Variants in ADRA1B observed in about 807,000 individuals in gnomAD.
ADRA1B encodes alpha-1B adrenergic receptor.
In ADRA1B, 17 loss-of-function variants were observed where a neutral mutation model predicts 17.9. That is an observed-to-expected ratio of 0.95 (90% CI 0.65 to 1.42). ADRA1B has a LOEUF of 1.42. ADRA1B is among the 40% of genes most tolerant of loss of function. The pLI is 0.00. For missense variants in ADRA1B, 681 were observed against 722.1 expected (o/e 0.94, Z 0.65); for synonymous variants, 366 against 327.6 (o/e 1.12, Z -1.27).
intron 1 of ADRA1B, chr5:159,869,308 A>G (rs1753706081): frequency 6.6e-6 from 1 of 152,238 alleles, no homozygotes; most frequent in Non-Finnish European, 1.5e-5. Flanking sequence ...TGGTTTGGCC[A>G]GAATCTGGAG....
intron 1 of ADRA1B, among the ~76,000 whole-genome samples, chr5:159,905,288 T>C (rs1213411739): frequency 6.6e-6 from 1 of 152,036 alleles, no homozygotes; most frequent in East Asian, 1.9e-4. Context: ...ACATAGACAA[T>C]CCAACAAAGC....
chr5:159,933,029 T>C (rs1171710172), intron 1 of ADRA1B, among the ~76,000 whole-genome samples: 2 of 152,242 alleles, frequency 1.3e-5, no homozygotes, highest in African/African-American at 4.8e-5. Context: ...TTCATGTTTA[T>C]AAATATTACC....
At chr5:159,871,229 T>G (rs1007346012) in intron 1 of ADRA1B, 1 of 152,190 alleles carries the variant, frequency 6.6e-6, no homozygotes, top group Non-Finnish European at 1.5e-5. Context: ...AATATAATAA[T>G]GTGTCCAATG....
At chr5:159,942,139 G>A (rs1225676738) in intron 1 of ADRA1B, among the ~76,000 whole-genome samples, 1 of 152,024 alleles carries the variant, frequency 6.6e-6, no homozygotes, top group Non-Finnish European at 1.5e-5. Flanking sequence ...AGCCAGGATG[G>A]TCTTGATCTC....
chr5:159,926,136 T>TA (rs1371938129), intron 1 of ADRA1B, among the ~76,000 whole-genome samples: 1 of 152,200 alleles, frequency 6.6e-6, no homozygotes, highest in Non-Finnish European at 1.5e-5. Flanking sequence ...GAAGTAAAAT[T>TA]ATTTGCCACT....
intron 1 of ADRA1B, among the ~76,000 whole-genome samples, chr5:159,927,814 A>G (rs900182835): frequency 2.0e-5 from 3 of 152,032 alleles, no homozygotes; most frequent in South Asian, 2.1e-4. Context: ...GATGGGGAGG[A>G]AAGAGAAACT....
chr5:159,921,259 C>A (rs1460743846), intron 1 of ADRA1B, among the ~76,000 whole-genome samples: 1 of 152,210 alleles, frequency 6.6e-6, no homozygotes, highest in Non-Finnish European at 1.5e-5. Context: ...GGGACCAGTG[C>A]TCACTTACTC....
chr5:159,984,133 CCAAT>C, the ADRA1B span, among the ~76,000 whole-genome samples: 3 of 152,050 alleles, frequency 2.0e-5, no homozygotes, highest in Admixed American at 1.3e-4. Context: ...TCTCCTCTTC[CCAAT>C]CTCTAAATGT....
chr5:159,941,660 T>C (rs1407245489), intron 1 of ADRA1B, among the ~76,000 whole-genome samples: 5 of 152,236 alleles, frequency 3.3e-5, no homozygotes, highest in African/African-American at 1.2e-4. Context: ...ATATGCAAAA[T>C]GTGGTATATC....
intron 1 of ADRA1B, among the ~76,000 whole-genome samples, chr5:159,957,843 C>T (rs2113275088): frequency 6.9e-6 from 1 of 145,088 alleles, no homozygotes; most frequent in South Asian, 2.2e-4. Flanking sequence ...GCCAGAGAAT[C>T]ACTTGAACCC....
chr5:159,950,403 C>T, intron 1 of ADRA1B: 3 of 696,462 alleles, frequency 4.3e-6, no homozygotes, highest in South Asian at 1.6e-5. Context: ...GTCTCAGTGT[C>T]ATGGGGGACT....
intron 1 of ADRA1B, among the ~76,000 whole-genome samples, chr5:159,910,138 G>C (rs1754213677): frequency 6.6e-6 from 1 of 152,176 alleles, no homozygotes. Context: ...TATAATAATA[G>C]TAGAGTTCTT....
At chr5:159,900,560 A>G (rs1055868114) in intron 1 of ADRA1B, among the ~76,000 whole-genome samples, 1 of 152,236 alleles carries the variant, frequency 6.6e-6, no homozygotes, top group African/African-American at 2.4e-5. Flanking sequence ...TTATTTTTAT[A>G]GATGTATTTG....
At chr5:159,924,513 G>GA (rs1754587615) in intron 1 of ADRA1B, among the ~76,000 whole-genome samples, 1 of 152,176 alleles carries the variant, frequency 6.6e-6, no homozygotes, top group Non-Finnish European at 1.5e-5. Context: ...GGGTGAATGA[G>GA]TTAGCCTCAG....
At chr5:159,881,681 G>A (rs1018694082) in intron 1 of ADRA1B, among the ~76,000 whole-genome samples, 59 of 152,156 alleles carry the variant, frequency 3.9e-4, no homozygotes, top group African/African-American at 1.4e-3. Context: ...GTCTTAGAGA[G>A]GAGGGAAGAA....
chr5:159,973,502 A>G (rs2113302899), downstream of ADRA1B, among the ~76,000 whole-genome samples: 1 of 152,284 alleles, frequency 6.6e-6, no homozygotes, highest in Non-Finnish European at 1.5e-5. Context: ...TCACCTTTGC[A>G]TTCCCAGGCC....
At chr5:159,906,862 T>C (rs767101521) in intron 1 of ADRA1B, among the ~76,000 whole-genome samples, 12 of 152,196 alleles carry the variant, frequency 7.9e-5, no homozygotes, top group Admixed American at 5.9e-4. Context: ...TCTTTTTTCT[T>C]TTCCACTTAG....
chr5:159,873,992 C>T (rs138250279), intron 1 of ADRA1B, among the ~76,000 whole-genome samples: 233 of 152,240 alleles, frequency 1.5e-3, no homozygotes, highest in African/African-American at 5.2e-3. Context: ...CAGAAAATGT[C>T]TTCTGGACGA....
rs1378899232 is a variant in ADRA1B, at chr5:159,972,077, G to A, written c.1148G>A (p.Gly383Asp). The A allele has an allele frequency of 1.5e-6, 2 of 1,297,928 alleles. No individual in the cohort carries two copies. Among genetic ancestry groups the A allele is most frequent in the South Asian group, 2.6e-5 (1 of 38,268 alleles). The allele number at this position is 1,297,928 out of a possible 1,614,324, so 80.4% of individuals were successfully genotyped here. A position where few individuals can be genotyped will look rare whatever the true frequency, so the allele number is the denominator to read the frequency against. The part of the protein sequence containing the change: ...RRRRRRRRLG[G>D]CAYTYRPWTR... ...CGCCGCCGCCGCCGTCGCCTGGGCG[G>A]CTGCGCCTACACCTACCGGCCGTGG... The change falls in exon 2 of 2, where the codon GGC (glycine) becomes GAC (aspartate). Residue 383 changes from glycine (G) to aspartate (D), a missense_variant. Physicochemically the swap from Gly to Asp is moderately conservative, Grantham distance 94. Around this residue, in one of 3 missense-constraint regions of ADRA1B, gnomAD observed 251 missense variants for 224.9 expected, o/e 1.12. Coordinates refer to ENST00000306675, the MANE Select transcript of ADRA1B (RefSeq NM_000679.4).
Sources: gnomAD v4.1 joint callset for allele counts (sites outside exome capture counted in the v4.1 genomes callset) on GRCh38, gnomAD v4.1.1 for gene constraint, gnomAD v4.1.1 regional missense constraint, MANE v1.5 for transcripts, NCBI Gene and HGNC (gene_info 2026-07-23, HGNC 2026-07-21) for gene names.